The following PPP1R9A variants were observed in gnomAD, a reference collection of about 807,000 sequenced individuals.
PPP1R9A encodes protein phosphatase 1 regulatory subunit 9A, also known as neurabin-1.
Under a neutral mutation model 141.9 loss-of-function variants are expected in PPP1R9A, and 59 were observed. The ratio of observed to expected loss-of-function variants is 0.42; its 90% CI spans 0.34 to 0.52. The LOEUF is 0.52. Among genes scored for constraint, PPP1R9A ranks in the 20% least tolerant of loss-of-function variants. PPP1R9A has a pLI of 0.10. For missense variants in PPP1R9A, 1,444 were observed against 1,611.9 expected (o/e 0.90, Z 1.78); for synonymous variants, 500 against 569.7 (o/e 0.88, Z 1.74).
intron 2 of PPP1R9A, among the ~76,000 whole-genome samples, chr7:95,059,584 G>A (rs1297500989): frequency 6.6e-6 from 1 of 152,158 alleles, no homozygotes; most frequent in African/African-American, 2.4e-5. Flanking sequence ...AGCATGAAAG[G>A]TAGTCCTAAA....
intron 2 of PPP1R9A, among the ~76,000 whole-genome samples, chr7:94,998,689 C>T (rs1392567599): frequency 6.6e-6 from 1 of 152,138 alleles, no homozygotes; most frequent in African/African-American, 2.4e-5. Flanking sequence ...ATTCTGTTTT[C>T]TCACACTTCA....
chr7:95,019,797 A>G (rs1412123836), intron 2 of PPP1R9A, among the ~76,000 whole-genome samples: 4 of 145,024 alleles, frequency 2.8e-5, no homozygotes, highest in Non-Finnish European at 4.6e-5. Context: ...CAGTTTGGCA[A>G]TTGCTTGAAG....
At chr7:94,972,106 G>A (rs926035171) in intron 2 of PPP1R9A, among the ~76,000 whole-genome samples, 1 of 152,182 alleles carries the variant, frequency 6.6e-6, no homozygotes, top group Admixed American at 6.5e-5. Flanking sequence ...ATAGAAGGTG[G>A]CTGTGGGATG....
chr7:94,984,537 G>C (rs1308806062), intron 2 of PPP1R9A, among the ~76,000 whole-genome samples: 1 of 152,086 alleles, frequency 6.6e-6, no homozygotes, highest in Non-Finnish European at 1.5e-5. Context: ...CAGAGATTCA[G>C]CTTCTTCCTT....
rs932987684 is a variant in PPP1R9A, at chr7:95,070,595, A to G, written c.1396-40664A>G. The stretch of plus-strand genomic sequence containing the variant: ...TTCAATTATTTTTTAAATCTCTGGT[A>G]TATATATATATATATACACACACAC... On this transcript the variant is annotated intron_variant, in intron 2 of 19. Coordinates refer to ENST00000433360, the MANE Select transcript of PPP1R9A (RefSeq NM_001166160.2). Among the ~76,000 whole-genome samples, 50 of 118,988 alleles carry G rather than the reference A, an allele frequency of 4.2e-4. 1 individual carries two copies. The highest frequency in any genetic ancestry group is 4.6e-3 in the Middle Eastern group (1 of 216). 78.1% of individuals were successfully genotyped at this position (118,988 alleles called of 152,430 possible). A position where few individuals can be genotyped will look rare whatever the true frequency, so the allele number is the denominator to read the frequency against.
At chr7:95,071,902 A>G (rs1315344659) in intron 2 of PPP1R9A, among the ~76,000 whole-genome samples, 1 of 151,820 alleles carries the variant, frequency 6.6e-6, no homozygotes, top group Non-Finnish European at 1.5e-5. Flanking sequence ...TTTATTTTCT[A>G]AAAGATCGTA....
chr7:95,053,371 C>A (rs116520487), intron 2 of PPP1R9A, among the ~76,000 whole-genome samples: 1 of 152,246 alleles, frequency 6.6e-6, no homozygotes, highest in African/African-American at 2.4e-5. Context: ...GAACTTGAAC[C>A]TCACACTAAG....
intron 2 of PPP1R9A, among the ~76,000 whole-genome samples, chr7:94,916,876 A>G (rs1191050815): frequency 6.6e-6 from 1 of 152,004 alleles, no homozygotes; most frequent in Non-Finnish European, 1.5e-5. Context: ...GTGCAGTGGC[A>G]CGATCTCAGC....
intron 5 of PPP1R9A, among the ~76,000 whole-genome samples, chr7:95,171,600 A>G (rs1832125827): frequency 6.6e-6 from 1 of 151,736 alleles, no homozygotes; most frequent in African/African-American, 2.4e-5. Context: ...AAATGGTTAA[A>G]TTTTATGGAA....
chr7:95,224,868 TC>T lies in PPP1R9A; in HGVS notation c.1957-1091del, dbSNP rs1049025619. 1.2e-3 allele frequency among the ~76,000 whole-genome samples: 177 copies of T among 152,240 alleles called. 1 individual carries two copies. The highest frequency in any genetic ancestry group is 4.0e-3 in the African/African-American group (167 of 41,572). On this transcript the variant is annotated intron_variant, in intron 7 of 19. Transcript: ENST00000433360. ...GAAGTTTTTTAAAGGCAATATGAAT[TC>T]CTGTCTCTGTTTTATGTGTTAGATA...
At chr7:94,997,850 T>G (rs965143284) in intron 2 of PPP1R9A, among the ~76,000 whole-genome samples, 5 of 152,196 alleles carry the variant, frequency 3.3e-5, no homozygotes, top group African/African-American at 1.2e-4. Context: ...GTGAGACTGC[T>G]GTGATCTACT....
chr7:95,060,069 G>A (rs1406205461), intron 2 of PPP1R9A, among the ~76,000 whole-genome samples: 2 of 152,162 alleles, frequency 1.3e-5, no homozygotes, highest in Admixed American at 6.5e-5. Context: ...ATTCTCTGAA[G>A]TCTACCCCAT....
chr7:95,164,761 T>C (rs1235146260), intron 5 of PPP1R9A, among the ~76,000 whole-genome samples: 10 of 120,370 alleles, frequency 8.3e-5, no homozygotes, highest in South Asian at 2.4e-4. Flanking sequence ...TTTTTTTTTT[T>C]CAGGCATGGC....
chr7:95,149,546 A>G (rs910293895), intron 4 of PPP1R9A, among the ~76,000 whole-genome samples: 3 of 152,060 alleles, frequency 2.0e-5, no homozygotes, highest in Non-Finnish European at 2.9e-5. Flanking sequence ...CAAGCTTATT[A>G]TACAAAAGTC....
chr7:94,987,283 G>A (rs539323667), intron 2 of PPP1R9A, among the ~76,000 whole-genome samples: 75 of 152,152 alleles, frequency 4.9e-4, no homozygotes, highest in Non-Finnish European at 9.4e-4. Context: ...GATAAGCAGC[G>A]TCTCAAAATT....
chr7:95,047,299 A>AT lies in PPP1R9A; in HGVS notation c.1396-63954dup, dbSNP rs1487399522. On this transcript the variant is annotated intron_variant, in intron 2 of 19. Transcript: ENST00000433360. ...TTTCGGCACAAATGCTTTAGAGTAC[A>AT]TTTTTTAGTTGATGTGTACTATGCC... is the stretch of plus-strand genomic sequence containing the variant. 2.6e-5 allele frequency among the ~76,000 whole-genome samples: 4 copies of AT among 152,304 alleles called. No individual in the cohort carries two copies. The South Asian group carries it at 8.3e-4, about 32-fold the overall frequency.
At chr7:95,258,472 G>A (rs773795008) in intron 12 of PPP1R9A, among the ~76,000 whole-genome samples, 2 of 152,092 alleles carry the variant, frequency 1.3e-5, no homozygotes, top group Non-Finnish European at 1.5e-5. Context: ...TAGGTTGCCT[G>A]TTCACAAAAA....
intron 2 of PPP1R9A, among the ~76,000 whole-genome samples, chr7:94,923,927 G>A (rs1317158470): frequency 2.0e-5 from 3 of 152,138 alleles, no homozygotes; most frequent in African/African-American, 7.2e-5. Flanking sequence ...TAATTAAATT[G>A]CCTTACAATA....
At chr7:94,926,530 TTGAG>T (rs1458061428) in intron 2 of PPP1R9A, among the ~76,000 whole-genome samples, 11 of 152,348 alleles carry the variant, frequency 7.2e-5, no homozygotes, top group Admixed American at 3.9e-4. Context: ...CTTTGGTAAC[TTGAG>T]TATGTGAGTG....
Sources: allele counts gnomAD v4.1 joint callset (sites outside exome capture counted in the v4.1 genomes callset), GRCh38; gene constraint gnomAD v4.1.1; transcripts MANE v1.5; gene names NCBI Gene and HGNC (gene_info 2026-07-23, HGNC 2026-07-21).